GBE1: variants seen among roughly 807,000 people sequenced by gnomAD.
GBE1 encodes the protein 1,4-alpha-glucan-branching enzyme.
A neutral mutation model predicts 88.8 loss-of-function variants in GBE1; 70 were observed. The observed-to-expected ratio is 0.79, with a 90% CI of 0.65 to 0.96. The LOEUF is 0.96. Ranked by LOEUF, GBE1 falls within the 40% of genes least tolerant of loss-of-function variation. The pLI is 0.00. For synonymous variants in GBE1, 284 were observed against 300.1 expected (o/e 0.95, Z 0.56); for missense variants, 872 against 871.0 (o/e 1.00, Z -0.01).
intron 2 of GBE1, among the ~76,000 whole-genome samples, chr3:81,673,038 C>A (rs1423037464): frequency 6.6e-6 from 1 of 151,846 alleles, no homozygotes; most frequent in African/African-American, 2.4e-5. Flanking sequence ...TCTTCAAGGG[C>A]AGCTCTACAA....
chr3:81,490,697 T>C (rs566192565), intron 15 of GBE1, among the ~76,000 whole-genome samples: 3 of 152,080 alleles, frequency 2.0e-5, no homozygotes, highest in African/African-American at 4.8e-5. Context: ...TGAAAACCAA[T>C]GCTCCTTACA....
chr3:81,731,178 G>A (rs945775647), intron 1 of GBE1, among the ~76,000 whole-genome samples: 5 of 152,072 alleles, frequency 3.3e-5, no homozygotes, highest in Non-Finnish European at 7.4e-5. Flanking sequence ...CAGACCTCTG[G>A]CCTGAGCAGG....
At chr3:81,613,204 T>C (rs1160115354) in intron 7 of GBE1, 2 of 224,114 alleles carry the variant, frequency 8.9e-6, no homozygotes, top group Admixed American at 5.9e-5. Flanking sequence ...GTCTCTTTTC[T>C]CTACACCATG....
chr3:81,619,597 AT>A (rs1704298319), intron 7 of GBE1, among the ~76,000 whole-genome samples: 1 of 152,072 alleles, frequency 6.6e-6, no homozygotes, highest in Non-Finnish European at 1.5e-5. Flanking sequence ...TTAACACATC[AT>A]TTCATGGGGG....
chr3:81,502,598 A>G (rs1314398930), intron 14 of GBE1, among the ~76,000 whole-genome samples: 3 of 152,198 alleles, frequency 2.0e-5, no homozygotes, highest in Non-Finnish European at 2.9e-5. Context: ...AATTGCTATC[A>G]TATATTATTC....
At chr3:81,586,446 T>A (rs1391991260) in intron 9 of GBE1, among the ~76,000 whole-genome samples, 1 of 152,144 alleles carries the variant, frequency 6.6e-6, no homozygotes. Flanking sequence ...GAACACAAAA[T>A]AGCAAAACTG....
At chr3:81,627,302 T>A (rs1040355069) in intron 7 of GBE1, among the ~76,000 whole-genome samples, 1 of 152,172 alleles carries the variant, frequency 6.6e-6, no homozygotes, top group African/African-American at 2.4e-5. Flanking sequence ...ATTCAACAAA[T>A]CTGTGTTTAA....
At chr3:81,544,335 A>C (rs1208031125) in intron 12 of GBE1, among the ~76,000 whole-genome samples, 2 of 152,170 alleles carry the variant, frequency 1.3e-5, no homozygotes, top group East Asian at 3.8e-4. Flanking sequence ...AATACGTATT[A>C]CAAGTAATCT....
At chr3:81,671,123 CTTAA>C (rs754282513) in intron 2 of GBE1, 170 bp from the exon 3 acceptor site, 33 of 403,978 alleles carry the variant, frequency 8.2e-5, no homozygotes, top group Non-Finnish European at 1.3e-4. Flanking sequence ...GCAGGTTATT[CTTAA>C]TTTATTTATA....
chr3:81,714,773 G>A (rs373420534), intron 1 of GBE1, among the ~76,000 whole-genome samples: 3 of 152,170 alleles, frequency 2.0e-5, no homozygotes, highest in Admixed American at 6.5e-5. Context: ...TAGAGGCTGC[G>A]AAGTCCAAGA....
chr3:81,698,591 C>T (rs1705638366), intron 2 of GBE1, among the ~76,000 whole-genome samples: 1 of 152,080 alleles, frequency 6.6e-6, no homozygotes, highest in Non-Finnish European at 1.5e-5. Flanking sequence ...CAATAACTTT[C>T]TTTCCTGTCA....
intron 2 of GBE1, among the ~76,000 whole-genome samples, chr3:81,684,414 C>T (rs926955210): frequency 1.3e-5 from 2 of 152,188 alleles, no homozygotes; most frequent in Admixed American, 6.5e-5. Flanking sequence ...AGTCTAAGAT[C>T]AGGGTGGCAG....
At chr3:81,710,292 T>G (rs925911229) in intron 1 of GBE1, among the ~76,000 whole-genome samples, 29 of 131,240 alleles carry the variant, frequency 2.2e-4, no homozygotes, top group African/African-American at 8.5e-4. Flanking sequence ...TGGAGTGCAG[T>G]GCCGCGATCT....
At chr3:81,567,254 C>T (rs1038816591) in intron 12 of GBE1, among the ~76,000 whole-genome samples, 1 of 152,144 alleles carries the variant, frequency 6.6e-6, no homozygotes, top group African/African-American at 2.4e-5. Context: ...GTGTTGAAAT[C>T]TCAGGATATG....
intron 7 of GBE1, among the ~76,000 whole-genome samples, chr3:81,606,100 G>A (rs1576167199): frequency 6.6e-6 from 1 of 152,072 alleles, no homozygotes; most frequent in African/African-American, 2.4e-5. Flanking sequence ...AAACTGATGT[G>A]TTTATAAAAA....
intron 14 of GBE1, among the ~76,000 whole-genome samples, chr3:81,534,495 T>A (rs560622196): frequency 6.6e-6 from 1 of 152,064 alleles, no homozygotes; most frequent in South Asian, 2.1e-4. Flanking sequence ...AGTAAATGAA[T>A]ACATAGAGAA....
intron 12 of GBE1, among the ~76,000 whole-genome samples, chr3:81,572,755 T>C (rs1194043977): frequency 5.3e-5 from 8 of 152,244 alleles, no homozygotes. Context: ...AAGAAAATCC[T>C]TTAATGCCCT....
At chr3:81,499,551 T>C (rs1406394876) in intron 14 of GBE1, among the ~76,000 whole-genome samples, 1 of 152,170 alleles carries the variant, frequency 6.6e-6, no homozygotes, top group Non-Finnish European at 1.5e-5. Context: ...ATAGAAATTT[T>C]GCTCCTTGAG....
At chr3:81,632,022 T>C (rs1704520558) in intron 7 of GBE1, among the ~76,000 whole-genome samples, 1 of 152,110 alleles carries the variant, frequency 6.6e-6, no homozygotes, top group Admixed American at 6.6e-5. Context: ...TATGTTCTCA[T>C]TGTTTGACTC....
Sources: allele counts gnomAD v4.1 joint callset (sites outside exome capture counted in the v4.1 genomes callset), GRCh38; gene constraint gnomAD v4.1.1; transcripts MANE v1.5; gene names NCBI Gene and HGNC (gene_info 2026-07-23, HGNC 2026-07-21).